Variants in KITLG observed in about 807,000 individuals in gnomAD.
KITLG encodes c-Kit ligand.
Under a neutral mutation model 34.1 loss-of-function variants are expected in KITLG, and 13 were observed. The ratio of observed to expected loss-of-function variants is 0.38; its 90% CI spans 0.25 to 0.61. The LOEUF is 0.61. KITLG is among the 20% of genes least tolerant of loss of function. The pLI, the probability that KITLG is intolerant of heterozygous loss-of-function variation, is 0.60. For synonymous variants in KITLG, 110 were observed against 104.0 expected (o/e 1.06, Z -0.35); for missense variants, 292 against 318.9 (o/e 0.92, Z 0.64).
chr12:88,524,260 A>G (rs1307199187), intron 3 of KITLG, among the ~76,000 whole-genome samples: 1 of 152,238 alleles, frequency 6.6e-6, no homozygotes, highest in East Asian at 1.9e-4. Flanking sequence ...TTACTTAATT[A>G]TAATTTCTTT....
intron 4 of KITLG, 86 bp from the exon 5 acceptor site, chr12:88,516,576 A>G (rs1173263367): frequency 3.5e-6 from 3 of 852,116 alleles, no homozygotes; most frequent in Admixed American, 2.6e-5. Context: ...ATGTCTCTCA[A>G]AGATTCAAGT....
chr12:88,512,502 C>T (rs1869314726), intron 6 of KITLG, among the ~76,000 whole-genome samples: 1 of 151,780 alleles, frequency 6.6e-6, no homozygotes, highest in Non-Finnish European at 1.5e-5. Context: ...ACTATTTTTT[C>T]CCCAAATTTG....
chr12:88,518,822 T>C lies in KITLG; in HGVS notation c.238A>G (p.Ser80Gly). The change falls in exon 4 of 10, where the codon AGC becomes GGC. Residue 80 changes from serine to glycine, a missense_variant. Coordinates refer to ENST00000644744, the MANE Select transcript of KITLG (RefSeq NM_000899.5). ...ISEMVVQLSD[S>G]LTDLLDKFSN... ...AACTTGTCCAGAAGATCAGTCAAGC[T>C]GTCTGACAATTGTACTACCATCTCG... The C allele has an allele frequency of 6.2e-7, 1 of 1,613,730 alleles. No individual in the cohort carries two copies. The highest frequency in any genetic ancestry group is 1.3e-5 in the African/African-American group (1 of 75,042).
intron 5 of KITLG, 61 bp downstream of exon 5, chr12:88,516,273 T>A: frequency 1.4e-6 from 2 of 1,414,812 alleles, no homozygotes; most frequent in Non-Finnish European, 2.0e-6. Flanking sequence ...AGATTCTTAC[T>A]ACATAGGGAA....
intron 3 of KITLG, 72 bp downstream of exon 3, chr12:88,532,369 C>T: frequency 9.3e-7 from 1 of 1,076,234 alleles, no homozygotes; most frequent in East Asian, 2.4e-5. Flanking sequence ...AGCTAGTGTA[C>T]TATCTCAATA....
At position 88,495,719 on chromosome 12, in the gene KITLG, A is replaced by G. The variant is rs893715081; in HGVS notation, c.*1500T>C. 7 of 152,392 alleles carry G rather than the reference A, an allele frequency of 4.6e-5. No individual in the cohort carries two copies. Among genetic ancestry groups the G allele is most frequent in the African/African-American group, 7.2e-5 (3 of 41,440 alleles). 9.4% of individuals were successfully genotyped at this position (152,392 alleles called of 1,614,324 possible). On this transcript the variant is annotated 3_prime_UTR_variant, in exon 10 of 10. Coordinates refer to ENST00000644744, the MANE Select transcript of KITLG (RefSeq NM_000899.5). Reference sequence around the variant, plus strand: ...TTTTCATGCCCTTTTGTGTCACTACATTGAAAACTGTCATCTTACGGTTGT... The same window carrying G: ...TTTTCATGCCCTTTTGTGTCACTACGTTGAAAACTGTCATCTTACGGTTGT...
intron 1 of KITLG, among the ~76,000 whole-genome samples, chr12:88,567,025 T>C (rs1331638896): frequency 6.6e-6 from 1 of 152,196 alleles, no homozygotes; most frequent in East Asian, 1.9e-4. Context: ...CAGGGAAAAG[T>C]GCAAAAGGAA....
intron 6 of KITLG, among the ~76,000 whole-genome samples, chr12:88,511,817 A>G (rs915419267): frequency 6.6e-6 from 1 of 152,178 alleles, no homozygotes; most frequent in Non-Finnish European, 1.5e-5. Flanking sequence ...CAGATATTCC[A>G]TGCCTTAGGA....
chr12:88,580,136 CTT>C, intron 1 of KITLG, 126 bp downstream of exon 1: 2 of 1,025,976 alleles, frequency 1.9e-6, no homozygotes, highest in Non-Finnish European at 3.0e-6. Context: ...CCCGCATCCT[CTT>C]GTCTCACCCG....
chr12:88,498,957 G>A (rs1013817292), intron 9 of KITLG, among the ~76,000 whole-genome samples: 2 of 152,060 alleles, frequency 1.3e-5, no homozygotes, highest in Non-Finnish European at 2.9e-5. Flanking sequence ...TTTTGTCCCC[G>A]GGTCACTTAG....
chr12:88,571,639 G>C (rs138368412), intron 1 of KITLG, among the ~76,000 whole-genome samples: 1 of 152,214 alleles, frequency 6.6e-6, no homozygotes, highest in Non-Finnish European at 1.5e-5. Flanking sequence ...CCTGAATTAG[G>C]TCTCCATTCA....
At chr12:88,532,173 C>A (rs749021553) in intron 3 of KITLG, among the ~76,000 whole-genome samples, 2 of 151,782 alleles carry the variant, frequency 1.3e-5, no homozygotes, top group Admixed American at 1.3e-4. Context: ...GATGGAGGGT[C>A]GGAAGGTGTC....
intron 9 of KITLG, among the ~76,000 whole-genome samples, chr12:88,498,220 A>G (rs1419641306): frequency 2.0e-5 from 3 of 152,138 alleles, no homozygotes; most frequent in African/African-American, 7.2e-5. Context: ...TTGTTTATCA[A>G]CCCAGCATCA....
At position 88,506,342 on chromosome 12, in the gene KITLG, T is replaced by A. The variant is rs1044691374; in HGVS notation, c.751A>T (p.Ile251Leu). 1 of 1,610,518 alleles carries A rather than the reference T, an allele frequency of 6.2e-7. No individual in the cohort carries two copies. ...TCATTATCCTCTTCATTAATTTGTA[T>A]ATTTTCAACTGCCCTTGTAAGACTT... ...QPSLTRAVEN[I>L]QINEEDNEIS... The change falls in exon 8 of 10, where the codon ATA (isoleucine) becomes TTA (leucine). Residue 251 changes from isoleucine (I) to leucine (L), a missense_variant. Ile to Leu is a conservative substitution (Grantham distance 5). Transcript: ENST00000644744.
chr12:88,555,795 C>G (rs1000688627), intron 1 of KITLG, among the ~76,000 whole-genome samples: 1 of 152,026 alleles, frequency 6.6e-6, no homozygotes, highest in Admixed American at 6.5e-5. Flanking sequence ...TAACATTATC[C>G]CAGGGGCCAC....
intron 1 of KITLG, 176 bp downstream of exon 1, chr12:88,580,088 C>G (rs1871964381): frequency 1.5e-6 from 1 of 684,424 alleles, no homozygotes; most frequent in Admixed American, 2.4e-5. Flanking sequence ...CCCTGGCTCA[C>G]CCGGCTCGGC....
intron 9 of KITLG, among the ~76,000 whole-genome samples, chr12:88,500,274 A>T (rs1868799827): frequency 6.6e-6 from 1 of 152,180 alleles, no homozygotes; most frequent in South Asian, 2.1e-4. Flanking sequence ...TCCTTTCAAA[A>T]ATAGGTAACT....
At chr12:88,514,617 A>G (rs1190540191) in intron 6 of KITLG, among the ~76,000 whole-genome samples, 1 of 151,760 alleles carries the variant, frequency 6.6e-6, no homozygotes, top group East Asian at 1.9e-4. Flanking sequence ...TCACTTTTAG[A>G]AAGATAAATA....
intron 3 of KITLG, among the ~76,000 whole-genome samples, chr12:88,527,835 T>C (rs1324923742): frequency 6.6e-6 from 1 of 152,202 alleles, no homozygotes; most frequent in East Asian, 1.9e-4. Flanking sequence ...CACAGAAGCA[T>C]TAAGAAACAT....
Sources: gnomAD v4.1 joint callset for allele counts (sites outside exome capture counted in the v4.1 genomes callset) on GRCh38, gnomAD v4.1.1 for gene constraint, MANE v1.5 for transcripts, NCBI Gene and HGNC (gene_info 2026-07-23, HGNC 2026-07-21) for gene names.